CYTH3: variants seen among roughly 807,000 people sequenced by gnomAD.
CYTH3 encodes cytohesin 3, also known as cytohesin-3.
Under a neutral mutation model 55.1 loss-of-function variants are expected in CYTH3, and 23 were observed. That is an observed-to-expected ratio of 0.42 (90% confidence interval 0.30 to 0.59). The LOEUF is 0.59. Ranked by LOEUF, CYTH3 falls within the 20% of genes least tolerant of loss-of-function variation. The probability of loss-of-function intolerance (pLI) is 0.20; values close to 1 mark genes in which losing one functional copy is unlikely to be tolerated. For synonymous variants in CYTH3, 249 were observed against 194.9 expected (o/e 1.28, Z -2.31); for missense variants, 413 against 524.8 (o/e 0.79, Z 2.08).
At chr7:6,173,425 G>A (rs990363494) in intron 6 of CYTH3, among the ~76,000 whole-genome samples, 2 of 152,198 alleles carry the variant, frequency 1.3e-5, no homozygotes, top group African/African-American at 4.8e-5. Context: ...GAGCATCAGC[G>A]GCCACAGTGA....
At chr7:6,248,005 C>T (rs1317596892) in intron 1 of CYTH3, among the ~76,000 whole-genome samples, 1 of 151,876 alleles carries the variant, frequency 6.6e-6, no homozygotes. Flanking sequence ...TCAGCTTGGC[C>T]TGTTGCTTTA....
intron 1 of CYTH3, among the ~76,000 whole-genome samples, chr7:6,223,158 G>A (rs554336495): frequency 8.3e-4 from 126 of 151,794 alleles, no homozygotes; most frequent in African/African-American, 2.6e-3. Flanking sequence ...CGGCCGCCCC[G>A]TCTGGGAGGT....
intron 1 of CYTH3, among the ~76,000 whole-genome samples, chr7:6,201,095 T>C (rs887644083): frequency 2.0e-5 from 3 of 152,202 alleles, no homozygotes; most frequent in Non-Finnish European, 2.9e-5. Flanking sequence ...TGGAGACTAC[T>C]GAAGCAGTAT....
chr7:6,257,251 G>A (rs539250662), intron 1 of CYTH3, among the ~76,000 whole-genome samples: 5 of 152,094 alleles, frequency 3.3e-5, no homozygotes, highest in Non-Finnish European at 7.4e-5. Context: ...ATGTGAACAG[G>A]CCAAACATTC....
intron 1 of CYTH3, among the ~76,000 whole-genome samples, chr7:6,211,987 AAAATAAATAAAT>A (rs551138963): frequency 6.6e-6 from 1 of 152,112 alleles, no homozygotes; most frequent in Non-Finnish European, 1.5e-5. Flanking sequence ...CGCTGTCTCA[AAAATAAATAAAT>A]AAATAAATAA....
intron 1 of CYTH3, among the ~76,000 whole-genome samples, chr7:6,251,608 G>A (rs77599410): frequency 0.036 from 5,530 of 152,270 alleles, 152 homozygotes; most frequent in Middle Eastern, 0.13. Flanking sequence ...TACATCCACT[G>A]AAGTGCCACT....
chr7:6,241,122 A>G (rs57196315), intron 1 of CYTH3, among the ~76,000 whole-genome samples: 10,309 of 150,550 alleles, frequency 0.068, 875 homozygotes, highest in East Asian at 0.43. Flanking sequence ...ACTCATCTCA[A>G]AAAAAAAAAG....
intron 1 of CYTH3, among the ~76,000 whole-genome samples, chr7:6,235,184 C>G (rs1394043885): frequency 6.6e-6 from 1 of 152,218 alleles, no homozygotes; most frequent in Non-Finnish European, 1.5e-5. Context: ...GCAGTAAGAA[C>G]TGCTTAGTGG....
At position 6,170,146 on chromosome 7, in the gene CYTH3, AAAC is replaced by A. The variant is rs749278700; in HGVS notation, c.823+386_823+388del. On this transcript the variant is annotated intron_variant, in intron 9 of 12. Transcript: ENST00000350796. This position sits in a 1 kb window ranked among gnomAD's most constrained non-coding sequence, Gnocchi z 7.8. ...AAGGTGGGAGCCACAGGCAGAAGGA[AAAC>A]AACAAGAAGGCACATTTAAACCACG... The A allele has an allele frequency of 1.0e-5, 2 of 191,616 alleles. No homozygotes were observed. The highest frequency in any genetic ancestry group is 2.2e-5 in the Non-Finnish European group (2 of 92,532). The allele number at this position is 191,616 out of a possible 1,614,324, so 11.9% of individuals were successfully genotyped here. A position where few individuals can be genotyped will look rare whatever the true frequency, so the allele number is the denominator to read the frequency against.
intron 1 of CYTH3, among the ~76,000 whole-genome samples, chr7:6,213,094 C>T (rs900090307): frequency 1.3e-5 from 2 of 152,216 alleles, no homozygotes; most frequent in African/African-American, 4.8e-5. Flanking sequence ...AGAATGTCAA[C>T]TCCCAAGGAC....
intron 1 of CYTH3, among the ~76,000 whole-genome samples, chr7:6,269,818 T>A (rs1780604695): frequency 6.6e-6 from 1 of 152,200 alleles, no homozygotes; most frequent in Admixed American, 6.5e-5. Flanking sequence ...AATTAACTTA[T>A]AAAAATAGCA....
chr7:6,265,618 CAAA>C (rs111748997), intron 1 of CYTH3, among the ~76,000 whole-genome samples: 7 of 109,870 alleles, frequency 6.4e-5, no homozygotes, highest in South Asian at 5.9e-4. Context: ...GACTCCATTT[CAAA>C]AAAAAAAAAA....
At chr7:6,192,092 T>A (rs991783939) in intron 1 of CYTH3, among the ~76,000 whole-genome samples, 1 of 151,790 alleles carries the variant, frequency 6.6e-6, no homozygotes, top group African/African-American at 2.4e-5. Flanking sequence ...AGAATCTGTG[T>A]CTCAAAAAAA....
intron 1 of CYTH3, among the ~76,000 whole-genome samples, chr7:6,266,671 C>G (rs1780500992): frequency 6.6e-6 from 1 of 151,498 alleles, no homozygotes; most frequent in African/African-American, 2.4e-5. Flanking sequence ...ATAGATTGCA[C>G]CTCGAAGGGC....
At chr7:6,213,712 ACAAT>A (rs1784370096) in intron 1 of CYTH3, among the ~76,000 whole-genome samples, 1 of 151,982 alleles carries the variant, frequency 6.6e-6, no homozygotes. Flanking sequence ...GTCTGAAGAC[ACAAT>A]CTCATGCACT....
intron 1 of CYTH3, among the ~76,000 whole-genome samples, chr7:6,230,190 T>C (rs1034186956): frequency 3.3e-5 from 5 of 152,156 alleles, no homozygotes; most frequent in African/African-American, 1.2e-4. Context: ...TCAAGGATGG[T>C]TGTGAGACCA....
chr7:6,234,623 G>A (rs975012290), intron 1 of CYTH3, among the ~76,000 whole-genome samples: 2 of 152,148 alleles, frequency 1.3e-5, no homozygotes, highest in Non-Finnish European at 2.9e-5. Flanking sequence ...GGAAGCCCCT[G>A]GGGACCCGGT....
intron 1 of CYTH3, among the ~76,000 whole-genome samples, chr7:6,224,843 G>T (rs1273755732): frequency 6.6e-6 from 1 of 152,212 alleles, no homozygotes; most frequent in Non-Finnish European, 1.5e-5. Flanking sequence ...AACACTTGTA[G>T]TATTTCCTGA....
At chr7:6,233,953 G>GCAGCTGTC (rs1415430890) in intron 1 of CYTH3, among the ~76,000 whole-genome samples, 1 of 152,102 alleles carries the variant, frequency 6.6e-6, no homozygotes, top group African/African-American at 2.4e-5. Flanking sequence ...AAGGGGCAAG[G>GCAGCTGTC]CAGCTGTCTG....
Sources: gnomAD v4.1 joint callset for allele counts (sites outside exome capture counted in the v4.1 genomes callset) on GRCh38, gnomAD v4.1.1 for gene constraint, Gnocchi (gnomAD v3.1) non-coding constraint, MANE v1.5 for transcripts, NCBI Gene and HGNC (gene_info 2026-07-23, HGNC 2026-07-21) for gene names.